The following PRKCE variants were observed in gnomAD, a reference collection of about 807,000 sequenced individuals.
PRKCE encodes protein kinase C epsilon.
PRKCE carries 16 observed loss-of-function variants against 85.4 expected under a neutral mutation model. The ratio of observed to expected loss-of-function variants is 0.19; its 90% CI spans 0.13 to 0.28. The LOEUF is 0.28. Among genes scored for constraint, PRKCE ranks in the 10% least tolerant of loss-of-function variants. The pLI is 1.00. For synonymous variants in PRKCE, 388 were observed against 371.5 expected, an observed-to-expected ratio of 1.04 and a Z score of -0.51; for missense variants, 573 against 975.2, an observed-to-expected ratio of 0.59 and a Z score of 5.49.
chr2:46,034,860 A>G (rs1198420855), intron 10 of PRKCE, among the ~76,000 whole-genome samples: 2 of 152,248 alleles, frequency 1.3e-5, no homozygotes, highest in African/African-American at 2.4e-5. Flanking sequence ...TACTGATGGT[A>G]TGTTCTGAGG....
At chr2:45,928,421 C>T (rs959201843) in intron 2 of PRKCE, among the ~76,000 whole-genome samples, 1 of 152,198 alleles carries the variant, frequency 6.6e-6, no homozygotes, top group African/African-American at 2.4e-5. Context: ...GCACACACCA[C>T]CATGCCCAGC....
chr2:46,025,167 C>T (rs1406390375), intron 10 of PRKCE, among the ~76,000 whole-genome samples: 2 of 152,126 alleles, frequency 1.3e-5, no homozygotes, highest in Non-Finnish European at 1.5e-5. Flanking sequence ...AGAGAACTCC[C>T]GGGGTTGGCA....
intron 2 of PRKCE, among the ~76,000 whole-genome samples, chr2:45,951,368 A>C (rs914805751): frequency 2.0e-5 from 3 of 152,220 alleles, no homozygotes; most frequent in Admixed American, 6.5e-5. Flanking sequence ...CCAGTCAGTC[A>C]TGCCAGGTAG....
chr2:46,067,638 A>G (rs1242475683), intron 10 of PRKCE, among the ~76,000 whole-genome samples: 2 of 152,242 alleles, frequency 1.3e-5, no homozygotes, highest in African/African-American at 2.4e-5. Context: ...TATGTGTTGC[A>G]GGAACGCTGC....
At chr2:46,093,896 C>T (rs1325866843) in intron 11 of PRKCE, among the ~76,000 whole-genome samples, 1 of 152,090 alleles carries the variant, frequency 6.6e-6, no homozygotes, top group Non-Finnish European at 1.5e-5. Context: ...ATTATTATAA[C>T]TGTGAAATAC....
At chr2:45,817,478 G>C (rs1316807375) in intron 1 of PRKCE, among the ~76,000 whole-genome samples, 1 of 152,098 alleles carries the variant, frequency 6.6e-6, no homozygotes, top group African/African-American at 2.4e-5. Flanking sequence ...CGAATCACGA[G>C]GTCAGGAGAT....
At chr2:45,963,415 T>C (rs1430088038) in intron 2 of PRKCE, among the ~76,000 whole-genome samples, 2 of 151,554 alleles carry the variant, frequency 1.3e-5, no homozygotes, top group Non-Finnish European at 2.9e-5. Flanking sequence ...TTCAAGCAAC[T>C]CTCCTGCCTC....
At chr2:45,698,411 G>T (rs970123350) in intron 1 of PRKCE, among the ~76,000 whole-genome samples, 1 of 152,130 alleles carries the variant, frequency 6.6e-6, no homozygotes, top group East Asian at 1.9e-4. Context: ...AGTGTCCCCA[G>T]CCGGTGGGGA....
chr2:45,768,640 C>G (rs527602560), intron 1 of PRKCE, among the ~76,000 whole-genome samples: 2 of 152,198 alleles, frequency 1.3e-5, no homozygotes, highest in Non-Finnish European at 2.9e-5. Flanking sequence ...ATGGGCCAGA[C>G]AGAGAATGGA....
At chr2:45,805,401 T>A (rs1481197517) in intron 1 of PRKCE, among the ~76,000 whole-genome samples, 1 of 152,196 alleles carries the variant, frequency 6.6e-6, no homozygotes, top group Non-Finnish European at 1.5e-5. Flanking sequence ...GTGTTCCTTC[T>A]CAGCGTTCGT....
intron 1 of PRKCE, among the ~76,000 whole-genome samples, chr2:45,757,114 A>G (rs1318252378): frequency 6.6e-6 from 1 of 151,944 alleles, no homozygotes; most frequent in Non-Finnish European, 1.5e-5. Context: ...AGCCAGGCTA[A>G]TTTAGAGACA....
intron 1 of PRKCE, among the ~76,000 whole-genome samples, chr2:45,689,729 C>G (rs1677579043): frequency 6.6e-6 from 1 of 151,752 alleles, no homozygotes; most frequent in African/African-American, 2.4e-5. Context: ...AACCCTGTCT[C>G]TACTTAAAAT....
chr2:46,061,258 C>A (rs931886117), intron 10 of PRKCE, among the ~76,000 whole-genome samples: 3 of 151,736 alleles, frequency 2.0e-5, no homozygotes, highest in Admixed American at 2.0e-4. Context: ...TACAGGTGTG[C>A]CCCACCATGC....
chr2:45,754,054 C>G (rs775175918), intron 1 of PRKCE, among the ~76,000 whole-genome samples: 49 of 152,112 alleles, frequency 3.2e-4, no homozygotes, highest in Non-Finnish European at 6.0e-4. Flanking sequence ...TTGCTAGCTA[C>G]CTTTCCCTAC....
intron 10 of PRKCE, among the ~76,000 whole-genome samples, chr2:46,026,553 G>A (rs902574514): frequency 1.3e-5 from 2 of 152,206 alleles, no homozygotes; most frequent in Admixed American, 1.3e-4. Flanking sequence ...GGTTGAAAAG[G>A]TGAGGAACTG....
At chr2:45,921,935 T>G (rs954044462) in intron 2 of PRKCE, among the ~76,000 whole-genome samples, 2 of 152,198 alleles carry the variant, frequency 1.3e-5, no homozygotes, top group Non-Finnish European at 2.9e-5. Flanking sequence ...GGAGATAGGA[T>G]TATATTATCA....
intron 10 of PRKCE, among the ~76,000 whole-genome samples, chr2:46,067,508 C>A (rs955142518): frequency 6.6e-5 from 10 of 152,300 alleles, no homozygotes; most frequent in African/African-American, 2.4e-4. Context: ...CTCGTCTCTT[C>A]CACATGTTTG....
chr2:46,155,537 G>T lies in PRKCE; in HGVS notation c.1921-4069G>T, dbSNP rs11693479. ...AGCCAGACCCATCTTCCAGCCTCCA[G>T]GCCTGTGTTTCCAGTTCCCTACTCA... On this transcript the variant is annotated intron_variant, in intron 13 of 14. Coordinates refer to ENST00000306156, the MANE Select transcript of PRKCE (RefSeq NM_005400.3). The surrounding 1 kb of genome is among the most constrained non-coding windows in gnomAD (Gnocchi z 4.7). 0.59 allele frequency among the ~76,000 whole-genome samples: 89,078 copies of T among 151,846 alleles called. 27,142 individuals are homozygous for T. The highest frequency in any genetic ancestry group is 0.86 in the East Asian group (4,444 of 5,160).
intron 1 of PRKCE, among the ~76,000 whole-genome samples, chr2:45,733,426 A>G (rs1681760186): frequency 6.6e-6 from 1 of 152,214 alleles, no homozygotes; most frequent in Non-Finnish European, 1.5e-5. Flanking sequence ...TTAGCAAGGG[A>G]AGACAAATAA....
Sources: gnomAD v4.1 joint callset for allele counts (sites outside exome capture counted in the v4.1 genomes callset) on GRCh38, gnomAD v4.1.1 for gene constraint, Gnocchi (gnomAD v3.1) non-coding constraint, MANE v1.5 for transcripts, NCBI Gene and HGNC (gene_info 2026-07-23, HGNC 2026-07-21) for gene names.